The following TOP1MT variants were observed in gnomAD, a reference collection of about 807,000 sequenced individuals.
The protein encoded by TOP1MT is DNA topoisomerase I, mitochondrial.
In TOP1MT, 80 loss-of-function variants were observed where a neutral mutation model predicts 73.9. That is an observed-to-expected ratio of 1.08 (90% CI 0.90 to 1.30). The LOEUF (loss-of-function observed/expected upper bound fraction) is 1.30, where lower values mean the gene tolerates loss of function less well. TOP1MT is among the 50% of genes most tolerant of loss of function. The pLI, the probability that TOP1MT is intolerant of heterozygous loss-of-function variation, is 0.00. For missense variants in TOP1MT, 815 were observed against 808.0 expected (o/e 1.01, Z -0.10); for synonymous variants, 338 against 326.4 (o/e 1.04, Z -0.38).
intron 2 of TOP1MT, among the ~76,000 whole-genome samples, chr8:143,342,359 G>A (rs867939032): frequency 7.3e-5 from 10 of 136,878 alleles, no homozygotes; most frequent in East Asian, 4.2e-4. Context: ...ACAGAGTCTC[G>A]CTCTGTTATT....
rs1328100658 is a variant in TOP1MT, at chr8:143,310,135, C to T, written c.1636G>A (p.Glu546Lys). ...GTGCCCAGGGCCACCTGCTTGTTCT[C>T]CTCCTTGTCCGTGGCCTGCACACTC... Reference protein sequence around the residue: ...QLSVQATDKEENKQVALGTSK... With the variant: ...QLSVQATDKEKNKQVALGTSK... Residue 546 changes from glutamate (E) to lysine (K), a missense_variant, in exon 13 of 14, where the codon GAG (glutamate) becomes AAG (lysine). Physicochemically the swap from Glu to Lys is moderately conservative, Grantham distance 56. This residue lies in a region of TOP1MT where 751 missense variants were observed against 725.4 expected (regional missense o/e 1.04). Coordinates refer to ENST00000329245, the MANE Select transcript of TOP1MT (RefSeq NM_052963.3). 1 of 1,613,494 alleles carries T rather than the reference C, an allele frequency of 6.2e-7. No homozygotes were observed. Among genetic ancestry groups the T allele is most frequent in the Non-Finnish European group, 8.5e-7 (1 of 1,179,906 alleles).
intron 12 of TOP1MT, among the ~76,000 whole-genome samples, chr8:143,311,783 G>A (rs1309174879): frequency 6.6e-6 from 1 of 150,768 alleles, no homozygotes; most frequent in African/African-American, 2.4e-5. Flanking sequence ...CCACAATAAT[G>A]AGGAATGAAT....
At chr8:143,342,816 G>T (rs10103382) in intron 2 of TOP1MT, among the ~76,000 whole-genome samples, 11 of 131,214 alleles carry the variant, frequency 8.4e-5, no homozygotes, top group South Asian at 2.6e-4. Flanking sequence ...ACAGAGTCTC[G>T]CTCTGTCACC....
In TOP1MT at chr8:143,341,047, G is replaced by A. The variant is rs1157457562; in HGVS notation, c.29+2173C>T. ...TGCTCTGTCTATCCCACTGCCCAGA[G>A]CGCGCTCCTCCCCAGCTCCCACGGC... On this transcript the variant is annotated intron_variant, in intron 2 of 5. Coordinates refer to the TOP1MT transcript ENST00000518007. This position sits in a 1 kb window ranked among gnomAD's most constrained non-coding sequence, Gnocchi z 4.1. 6.6e-6 allele frequency among the ~76,000 whole-genome samples: 1 copy of A among 152,020 alleles called. No individual in the cohort carries two copies. Among genetic ancestry groups the A allele is most frequent in the Non-Finnish European group, 1.5e-5 (1 of 68,000 alleles).
chr8:143,352,634 G>A (rs1171600677), intron 1 of TOP1MT, among the ~76,000 whole-genome samples: 1 of 152,156 alleles, frequency 6.6e-6, no homozygotes, highest in Non-Finnish European at 1.5e-5. Context: ...TTTTGGGTTG[G>A]TTGGTTGGTC....
exon 2 of TOP1MT, chr8:143,343,269 G>A (rs187326988): frequency 5.7e-5 from 26 of 456,230 alleles, no homozygotes; most frequent in East Asian, 4.9e-4. Context: ...CTTCACTGGC[G>A]TGGTGATCTG....
upstream of TOP1MT, among the ~76,000 whole-genome samples, chr8:143,356,822 A>C (rs1197706167): frequency 6.9e-6 from 1 of 145,616 alleles, no homozygotes; most frequent in African/African-American, 2.6e-5. Flanking sequence ...GACCACATGC[A>C]GTGGCTCACG....
chr8:143,333,084 T>G (rs922354721), intron 1 of TOP1MT, among the ~76,000 whole-genome samples: 3 of 152,144 alleles, frequency 2.0e-5, no homozygotes, highest in Non-Finnish European at 4.4e-5. Flanking sequence ...AGACAACGCC[T>G]TCTTAGAGAA....
At chr8:143,333,245 G>A (rs1384606698) in intron 1 of TOP1MT, among the ~76,000 whole-genome samples, 2 of 151,772 alleles carry the variant, frequency 1.3e-5, no homozygotes, top group Admixed American at 6.6e-5. Flanking sequence ...CCAGGAGTTC[G>A]AGACCCGCCT....
upstream of TOP1MT, among the ~76,000 whole-genome samples, chr8:143,338,122 GTTTTGT>G (rs1449164849): frequency 1.3e-5 from 2 of 152,166 alleles, no homozygotes; most frequent in African/African-American, 2.4e-5. Flanking sequence ...TGTCCGAGAG[GTTTTGT>G]CTGCAACGTG....
At position 143,324,141 on chromosome 8, in the gene TOP1MT, C is replaced by G. The variant is rs988812844; in HGVS notation, c.818G>C (p.Gly273Ala). 7 of 1,612,932 alleles carry G rather than the reference C, an allele frequency of 4.3e-6. No homozygotes were observed. The African/African-American group carries it at 9.3e-5, about 22-fold the overall frequency. The change falls in exon 7 of 14, where the codon GGG (glycine) becomes GCG (alanine). Residue 273 changes from glycine to alanine, a missense_variant and splice_region_variant. Coordinates refer to ENST00000329245, the MANE Select transcript of TOP1MT (RefSeq NM_052963.3). ...IMLNPCSKLK[G>A]ETAWQKFETA... ...TTCAAACTTCTGCCAAGCTGTCTCC[C>G]CCTAAACGAAGAAAATAACAGGAAA...
intron 1 of TOP1MT, chr8:143,332,662 A>G (rs1237256049): frequency 1.0e-6 from 1 of 963,392 alleles, no homozygotes; most frequent in African/African-American, 1.7e-5. Context: ...CTGTTTCTGC[A>G]GAGGAGGGAA....
At chr8:143,321,631 CACAGGCACGCCACACACAG>C (rs1816378708) in intron 7 of TOP1MT, among the ~76,000 whole-genome samples, 3 of 52,828 alleles carry the variant, frequency 5.7e-5, no homozygotes, top group East Asian at 1.2e-3. Flanking sequence ...GCACGCCACA[CACAGGCACGCCACACACAG>C]GCACGCCACA....
upstream of TOP1MT, among the ~76,000 whole-genome samples, chr8:143,356,785 CAA>C (rs1161995816): frequency 1.8e-3 from 48 of 25,950 alleles, no homozygotes; most frequent in African/African-American, 4.9e-3. Context: ...GACTCTGTCT[CAA>C]AAAAAAAAAA....
At chr8:143,310,463 C>T (rs1815981772) in intron 12 of TOP1MT, 6 of 379,352 alleles carry the variant, frequency 1.6e-5, no homozygotes, top group East Asian at 1.2e-4. Flanking sequence ...GGACCTGACT[C>T]GCAGGAGGGT....
intron 1 of TOP1MT, chr8:143,332,696 G>T: frequency 3.3e-6 from 2 of 608,436 alleles, no homozygotes; most frequent in Non-Finnish European, 5.2e-6. Context: ...AAGACGTAGA[G>T]ACGGAGCTGA....
rs367951381 is a variant in TOP1MT, at chr8:143,310,205, C to T, written c.1566G>A (p.Lys522=). ...GCAGCTTCTCCAGGAGCCGCCTCTT[C>T]TTCTCCAGGACACTGGCAAGAGAAG... The part of the protein sequence containing the change: ...GDGKSRSVLE[K]KRRLLEKLQE... Residue 522 remains lysine (K), a synonymous_variant, in exon 13 of 14, where the codon AAG becomes AAA. Coordinates refer to ENST00000329245, the MANE Select transcript of TOP1MT (RefSeq NM_052963.3). 2 of 1,574,118 alleles carry T rather than the reference C, an allele frequency of 1.3e-6. No individual in the cohort carries two copies. Among genetic ancestry groups the T allele is most frequent in the Non-Finnish European group, 1.7e-6 (2 of 1,161,168 alleles).
chr8:143,327,574 G>A (rs1338380942), intron 3 of TOP1MT: 1 of 188,594 alleles, frequency 5.3e-6, no homozygotes, highest in African/African-American at 2.4e-5. Flanking sequence ...CACGGGCTCA[G>A]GGTCCGTCCC....
At chr8:143,324,267 G>A (rs1198663922) in intron 6 of TOP1MT, 125 bp from the exon 7 acceptor site, 1 of 1,428,952 alleles carries the variant, frequency 7.0e-7, no homozygotes, top group African/African-American at 1.4e-5. Context: ...TCAGGGGCTG[G>A]GGCAGCAAAT....
Sources: allele counts gnomAD v4.1 joint callset (sites outside exome capture counted in the v4.1 genomes callset), GRCh38; gene constraint gnomAD v4.1.1; regional missense constraint gnomAD v4.1.1; non-coding constraint Gnocchi (gnomAD v3.1); transcripts MANE v1.5; gene names NCBI Gene and HGNC (gene_info 2026-07-23, HGNC 2026-07-21).